The following SUPT3H variants were observed in gnomAD, a reference collection of about 807,000 sequenced individuals.
SUPT3H encodes transcription initiation protein SPT3 homolog.
A neutral mutation model predicts 44.3 loss-of-function variants in SUPT3H; 44 were observed. That is an observed-to-expected ratio of 0.99 (90% CI 0.78 to 1.28). The LOEUF is 1.28. Ranked by LOEUF, SUPT3H falls within the 50% of genes most tolerant of loss-of-function variation. The pLI, the probability that SUPT3H is intolerant of heterozygous loss-of-function variation, is 0.00. For synonymous variants in SUPT3H, 124 were observed against 125.6 expected (o/e 0.99, Z 0.09); for missense variants, 380 against 387.1 (o/e 0.98, Z 0.15).
chr6:45,069,551 CGTATAA>C (rs1024163761), intron 3 of SUPT3H, among the ~76,000 whole-genome samples: 1 of 152,056 alleles, frequency 6.6e-6, no homozygotes, highest in Admixed American at 6.6e-5. Context: ...AAGTATGATC[CGTATAA>C]GTATATGTAA....
intron 10 of SUPT3H, among the ~76,000 whole-genome samples, chr6:44,858,485 G>C (rs1774096298): frequency 6.6e-6 from 1 of 152,138 alleles, no homozygotes; most frequent in African/African-American, 2.4e-5. Flanking sequence ...TTTTGGTAGT[G>C]GCTTGTCAAT....
chr6:45,295,394 G>C (rs939266997), intron 2 of SUPT3H, among the ~76,000 whole-genome samples: 1 of 151,822 alleles, frequency 6.6e-6, no homozygotes, highest in Non-Finnish European at 1.5e-5. Flanking sequence ...AGTTCCAGAA[G>C]GTAACATTGG....
intron 3 of SUPT3H, among the ~76,000 whole-genome samples, chr6:45,089,183 G>A (rs931568065): frequency 1.3e-5 from 2 of 151,954 alleles, no homozygotes; most frequent in Non-Finnish European, 2.9e-5. Context: ...TAAAACAAAA[G>A]TAAAAATATA....
At chr6:45,210,723 A>C (rs1222489861) in intron 2 of SUPT3H, among the ~76,000 whole-genome samples, 1 of 152,250 alleles carries the variant, frequency 6.6e-6, no homozygotes, top group Admixed American at 6.5e-5. Flanking sequence ...GATCTGTCTC[A>C]GATACTTTTG....
intron 2 of SUPT3H, among the ~76,000 whole-genome samples, chr6:45,258,587 A>C (rs17288264): frequency 0.023 from 3,533 of 152,324 alleles, 44 homozygotes; most frequent in Non-Finnish European, 0.035. Context: ...TGTTATTTGC[A>C]TAAGTATGAG....
intron 1 of SUPT3H, among the ~76,000 whole-genome samples, chr6:45,370,570 A>G (rs1349845692): frequency 6.6e-6 from 1 of 152,198 alleles, no homozygotes; most frequent in Non-Finnish European, 1.5e-5. Flanking sequence ...AGAACTTTGT[A>G]TAAGGATATA....
chr6:44,916,460 G>A (rs1767817481), intron 10 of SUPT3H, among the ~76,000 whole-genome samples: 1 of 152,176 alleles, frequency 6.6e-6, no homozygotes, highest in Non-Finnish European at 1.5e-5. Flanking sequence ...CTCAGAATGG[G>A]TCTGTTTGCC....
chr6:45,335,988 T>C (rs1032101305), intron 2 of SUPT3H, among the ~76,000 whole-genome samples: 3 of 151,450 alleles, frequency 2.0e-5, no homozygotes, highest in African/African-American at 4.8e-5. Context: ...TGTGCTACAG[T>C]GTATTTCTAA....
In SUPT3H at chr6:45,259,490, T is replaced by C. The variant is rs1773982698; in HGVS notation, c.101+105711A>G. 3.9e-5 allele frequency among the ~76,000 whole-genome samples: 6 copies of C among 152,164 alleles called. No homozygotes were observed. In the South Asian group the frequency reaches 1.2e-3, roughly 31 times the overall value. On this transcript the variant is annotated intron_variant, in intron 2 of 10. Transcript: ENST00000371459. The stretch of plus-strand genomic sequence containing the variant: ...CCAAATTTTTCACAGTACATCACTA[T>C]AAAACCCTGTAATTGACTTTTGGGG...
intron 2 of SUPT3H, among the ~76,000 whole-genome samples, chr6:45,281,162 T>G (rs1173286708): frequency 6.6e-6 from 1 of 152,194 alleles, no homozygotes; most frequent in African/African-American, 2.4e-5. Flanking sequence ...GCTCCCAGCA[T>G]GAGCAATGCA....
chr6:44,888,601 T>C (rs1762737202), intron 10 of SUPT3H, among the ~76,000 whole-genome samples: 1 of 152,162 alleles, frequency 6.6e-6, no homozygotes, highest in African/African-American at 2.4e-5. Context: ...AATTAGGTAT[T>C]GATGGGACCT....
chr6:45,286,629 T>C (rs1000462565), intron 2 of SUPT3H, among the ~76,000 whole-genome samples: 18 of 152,106 alleles, frequency 1.2e-4, no homozygotes, highest in African/African-American at 4.3e-4. Context: ...TAGGAACACT[T>C]TTACACTGTT....
At position 45,331,858 on chromosome 6, in the gene SUPT3H, G is replaced by T. The variant is rs371627897; in HGVS notation, c.101+33343C>A. Among the ~76,000 whole-genome samples, 26 of 151,948 alleles carry T rather than the reference G, an allele frequency of 1.7e-4. No individual in the cohort carries two copies. The East Asian group carries it at 2.7e-3, about 16-fold the overall frequency. ...AATTACTCTCTTCCAGCTAACAACT[G>T]ATAGTTTGACTTGTTTAAATCAGTC... On this transcript the variant is annotated intron_variant, in intron 2 of 10. Transcript: ENST00000371459.
At chr6:45,275,851 A>G (rs774015899) in intron 2 of SUPT3H, among the ~76,000 whole-genome samples, 5 of 152,152 alleles carry the variant, frequency 3.3e-5, no homozygotes, top group Non-Finnish European at 5.9e-5. Context: ...TAATACATTT[A>G]TCTAGCTCAA....
chr6:44,977,058 G>T (rs767565890), intron 6 of SUPT3H, among the ~76,000 whole-genome samples: 2 of 152,204 alleles, frequency 1.3e-5, no homozygotes, highest in Non-Finnish European at 2.9e-5. Flanking sequence ...TTGATTAAAT[G>T]TCAGTGGCCA....
In SUPT3H at chr6:44,894,030, G is replaced by C. The variant is rs1370019827; in HGVS notation, c.912+38623C>G. ...CTGCATAAATGTCTTCTTTTGAGAAGTGTCTGTTCATGTCCTTCGCCCACT... is the reference window on the plus strand; with the variant it reads ...CTGCATAAATGTCTTCTTTTGAGAACTGTCTGTTCATGTCCTTCGCCCACT... On this transcript the variant is annotated intron_variant, in intron 10 of 10. Transcript: ENST00000371459. Among the ~76,000 whole-genome samples the C allele has an allele frequency of 7.3e-5, 10 of 137,714 alleles. No individual in the cohort carries two copies. The Admixed American group carries it at 7.8e-4, about 11-fold the overall frequency. 90.3% of individuals were successfully genotyped at this position (137,714 alleles called of 152,430 possible). A position where few individuals can be genotyped will look rare whatever the true frequency, so the allele number is the denominator to read the frequency against.
intron 2 of SUPT3H, among the ~76,000 whole-genome samples, chr6:45,231,940 T>C (rs1355802155): frequency 6.6e-6 from 1 of 152,358 alleles, no homozygotes; most frequent in African/African-American, 2.4e-5. Flanking sequence ...GCTATTTGAT[T>C]CTTATTTATG....
At chr6:45,055,236 C>T (rs1415103279) in intron 3 of SUPT3H, among the ~76,000 whole-genome samples, 1 of 152,042 alleles carries the variant, frequency 6.6e-6, no homozygotes, top group Non-Finnish European at 1.5e-5. Context: ...GTGAAAATGA[C>T]CATACTGCCA....
intron 2 of SUPT3H, among the ~76,000 whole-genome samples, chr6:45,323,376 T>C (rs937812628): frequency 6.6e-6 from 1 of 152,144 alleles, no homozygotes; most frequent in Admixed American, 6.6e-5. Context: ...ACCCGATTTT[T>C]TTAGATGATG....
Sources: gnomAD v4.1 joint callset for allele counts (sites outside exome capture counted in the v4.1 genomes callset) on GRCh38, gnomAD v4.1.1 for gene constraint, MANE v1.5 for transcripts, NCBI Gene and HGNC (gene_info 2026-07-23, HGNC 2026-07-21) for gene names.